Variants in LRP6 observed in about 807,000 individuals in gnomAD.
LRP6 encodes LDL receptor related protein 6.
A neutral mutation model predicts 184.1 loss-of-function variants in LRP6; 43 were observed. The observed-to-expected ratio is 0.23, with a 90% CI of 0.18 to 0.30. The LOEUF is 0.30. Among genes scored for constraint, LRP6 ranks in the 10% least tolerant of loss-of-function variants. The probability of loss-of-function intolerance (pLI) is 1.00; values close to 1 mark genes in which losing one functional copy is unlikely to be tolerated. For missense variants in LRP6, 1,571 were observed against 2,005.3 expected (o/e 0.78, Z 4.14); for synonymous variants, 719 against 684.9 (o/e 1.05, Z -0.78).
In LRP6 at chr12:12,164,934, A is replaced by T. The variant is rs1862836929; in HGVS notation, c.1762+145T>A. 11 of 260,046 alleles carry T rather than the reference A, an allele frequency of 4.2e-5. 1 individual carries two copies. The highest frequency in any genetic ancestry group is 1.1e-4 in the South Asian group (2 of 17,610). 16.1% of individuals were successfully genotyped at this position (260,046 alleles called of 1,614,324 possible). On this transcript the variant is annotated intron_variant, in intron 8 of 22. Coordinates refer to ENST00000261349, the MANE Select transcript of LRP6 (RefSeq NM_002336.3). ...CCCTTCTCAGTAAAAAAAAAAAAAA[A>T]AAAAAAAAAAAAAAAAAAAAAGGCG...
chr12:12,229,571 TAATCTACCTTAG>T (rs1007489616), intron 2 of LRP6, among the ~76,000 whole-genome samples: 7 of 152,194 alleles, frequency 4.6e-5, no homozygotes, highest in African/African-American at 1.7e-4. Context: ...TTTTTGTATT[TAATCTACCTTAG>T]AATCTACCTT....
At chr12:12,239,842 TACA>T (rs978859281) in intron 2 of LRP6, among the ~76,000 whole-genome samples, 3 of 152,102 alleles carry the variant, frequency 2.0e-5, no homozygotes, top group Non-Finnish European at 4.4e-5. Flanking sequence ...TCAGTTATAC[TACA>T]ACTACTCCCC....
At chr12:12,158,406 G>T (rs970347106) in intron 12 of LRP6, among the ~76,000 whole-genome samples, 5 of 152,126 alleles carry the variant, frequency 3.3e-5, no homozygotes, top group African/African-American at 1.2e-4. Context: ...GCTCACTGCA[G>T]CCTCAATCTC....
chr12:12,188,518 C>T (rs976670421), intron 3 of LRP6, among the ~76,000 whole-genome samples: 3 of 152,122 alleles, frequency 2.0e-5, no homozygotes, highest in Admixed American at 6.5e-5. Flanking sequence ...TAACAGACTA[C>T]CAGCATATTA....
chr12:12,150,783 T>G, intron 13 of LRP6, 53 bp downstream of exon 13: 16 of 1,578,878 alleles, frequency 1.0e-5, no homozygotes, highest in Non-Finnish European at 1.2e-5. Context: ...GAGTGGTTGG[T>G]GAGTCCAGTT....
intron 20 of LRP6, among the ~76,000 whole-genome samples, chr12:12,125,831 A>G (rs1391424892): frequency 1.3e-5 from 2 of 152,212 alleles, no homozygotes; most frequent in Non-Finnish European, 2.9e-5. Context: ...GGCACAAACA[A>G]CATATGAAAG....
chr12:12,126,950 T>G, intron 19 of LRP6, 29 bp from the exon 20 acceptor site: 1 of 1,565,168 alleles, frequency 6.4e-7, no homozygotes, highest in Non-Finnish European at 8.8e-7. Context: ...TATGGTTATT[T>G]AATAGAAAAA....
At chr12:12,259,675 C>T (rs1395893476) in intron 1 of LRP6, among the ~76,000 whole-genome samples, 1 of 152,090 alleles carries the variant, frequency 6.6e-6, no homozygotes, top group Non-Finnish European at 1.5e-5. Context: ...ACCTTGTTTC[C>T]TTGCATTTAT....
intron 12 of LRP6, among the ~76,000 whole-genome samples, chr12:12,153,735 T>C (rs899667159): frequency 1.3e-5 from 2 of 152,202 alleles, no homozygotes; most frequent in African/African-American, 4.8e-5. Context: ...TCCTTCAGAA[T>C]GGTGCTTTAA....
At chr12:12,228,553 C>T (rs966131768) in intron 2 of LRP6, among the ~76,000 whole-genome samples, 20 of 152,176 alleles carry the variant, frequency 1.3e-4, no homozygotes, top group Non-Finnish European at 2.8e-4. Context: ...CAGTAGCAGT[C>T]AGTGGCCTGC....
At chr12:12,136,216 G>T (rs990992356) in intron 16 of LRP6, among the ~76,000 whole-genome samples, 16 of 151,978 alleles carry the variant, frequency 1.1e-4, no homozygotes, top group African/African-American at 3.9e-4. Flanking sequence ...AAATTGCTAG[G>T]GAGAATGCTG....
intron 1 of LRP6, among the ~76,000 whole-genome samples, chr12:12,257,777 TACAAAAAAAAAAA>T (rs1865504901): frequency 2.0e-4 from 1 of 5,010 alleles, no homozygotes; most frequent in Admixed American, 4.1e-3. Context: ...ACCCTGTCTC[TACAAAAAAAAAAA>T]AAAAAAAAAA....
intron 3 of LRP6, among the ~76,000 whole-genome samples, chr12:12,199,490 A>G (rs1191854029): frequency 6.6e-6 from 1 of 152,254 alleles, no homozygotes; most frequent in Non-Finnish European, 1.5e-5. Context: ...CATCATTTGT[A>G]CAAAAGAAAG....
intron 22 of LRP6, among the ~76,000 whole-genome samples, chr12:12,122,629 A>C (rs2136832800): frequency 6.6e-6 from 1 of 152,278 alleles, no homozygotes; most frequent in South Asian, 2.1e-4. Flanking sequence ...AGAAAGAAAG[A>C]AACCAGCCTG....
intron 3 of LRP6, among the ~76,000 whole-genome samples, chr12:12,197,693 T>C (rs1431315073): frequency 6.6e-6 from 1 of 152,212 alleles, no homozygotes; most frequent in Admixed American, 6.5e-5. Context: ...GATGCAACAA[T>C]ATAAAGTTTC....
chr12:12,181,092 A>C lies in LRP6; in HGVS notation c.1324T>G (p.Ser442Ala). ...LNGTMRKILI[S>A]EDLEEPRAIV... ...GCCCGGGGTTCCTCTAAGTCCTCTG[A>C]AATCAAGATCTTCCTCATGGTCCCA... The change falls in exon 6 of 23, where the codon TCA becomes GCA. Residue 442 changes from serine (S) to alanine (A), a missense_variant. Transcript: ENST00000261349. 1 of 1,614,142 alleles carries C rather than the reference A, an allele frequency of 6.2e-7. No individual in the cohort carries two copies. The highest frequency in any genetic ancestry group is 1.7e-5 in the Admixed American group (1 of 60,018).
At position 12,158,811 on chromosome 12, in the gene LRP6, G is replaced by A; in HGVS notation, c.2791+18C>T. 2 of 1,611,402 alleles carry A rather than the reference G, an allele frequency of 1.2e-6. No individual in the cohort carries two copies. ...CTTTCTCTCATTCTAGCTTGCTTTG[G>A]AGGGAAATGCAGCTTACCACTACAA... On this transcript the variant is annotated intron_variant, in intron 12 of 22. Coordinates refer to ENST00000261349, the MANE Select transcript of LRP6 (RefSeq NM_002336.3).
rs530194391 is a variant in LRP6 at position 12,219,363 on chromosome 12, G to A, written c.450-15963C>T. Among the ~76,000 whole-genome samples the A allele has an allele frequency of 5.3e-5, 8 of 152,094 alleles. No homozygotes were observed. In the East Asian group the frequency reaches 1.4e-3, roughly 26 times the overall value. On this transcript the variant is annotated intron_variant, in intron 2 of 22. Coordinates refer to ENST00000261349, the MANE Select transcript of LRP6 (RefSeq NM_002336.3). ...TGGGACTATAGGTGCCCGCCACCAC[G>A]CCTGGCTAATTTTTGTATTTTTAGT...
intron 1 of LRP6, among the ~76,000 whole-genome samples, chr12:12,247,896 G>A (rs1461698137): frequency 6.6e-6 from 1 of 152,086 alleles, no homozygotes; most frequent in Non-Finnish European, 1.5e-5. Flanking sequence ...AGGAATCCTT[G>A]TTTTCCTTTA....
Sources: allele counts gnomAD v4.1 joint callset (sites outside exome capture counted in the v4.1 genomes callset), GRCh38; gene constraint gnomAD v4.1.1; transcripts MANE v1.5; gene names NCBI Gene and HGNC (gene_info 2026-07-23, HGNC 2026-07-21).